Variants in NUP98 observed in about 807,000 individuals in gnomAD.
NUP98 encodes the protein nucleoporin 98 and 96 precursor, also known as nuclear pore complex protein Nup98-Nup96.
In NUP98, 26 loss-of-function variants were observed where a neutral mutation model predicts 191.9. That is an observed-to-expected ratio of 0.14 (90% CI 0.10 to 0.19). The LOEUF (loss-of-function observed/expected upper bound fraction) is 0.19. Ranked by LOEUF, NUP98 falls within the 10% of genes least tolerant of loss-of-function variation. The pLI is 1.00. For missense variants in NUP98, 1,941 were observed against 2,178.8 expected, an observed-to-expected ratio of 0.89 and a Z score of 2.17; for synonymous variants, 808 against 778.4, an observed-to-expected ratio of 1.04 and a Z score of -0.63.
Position 3,763,165 on chromosome 11 carries a change from T to C in NUP98, c.949-126A>G, listed in dbSNP as rs978741287. 18 of 824,016 alleles carry C rather than the reference T, an allele frequency of 2.2e-5. No individual in the cohort carries two copies. The East Asian group carries it at 2.7e-4, about 12-fold the overall frequency. The allele number at this position is 824,016 out of a possible 1,614,324, so 51.0% of individuals were successfully genotyped here. A position where few individuals can be genotyped will look rare whatever the true frequency, so the allele number is the denominator to read the frequency against. On this transcript the variant is annotated intron_variant, in intron 8 of 32. Transcript: ENST00000324932. ...GACAGATATTAGGCTAAATAACTTATATAGATTATTTCCTTCAAAACAACC... is the reference window on the plus strand; with the variant it reads ...GACAGATATTAGGCTAAATAACTTACATAGATTATTTCCTTCAAAACAACC...
At chr11:3,783,381 A>C (rs1318580045) in intron 1 of NUP98, among the ~76,000 whole-genome samples, 1 of 152,042 alleles carries the variant, frequency 6.6e-6, no homozygotes, top group Non-Finnish European at 1.5e-5. Context: ...GGGTGAGACA[A>C]TGTCTCAAAA....
At position 3,782,687 on chromosome 11, in the gene NUP98, C is replaced by T. The variant is rs552764998; in HGVS notation, c.-28-542G>A. ...GTCTCAAAGTACCTGGGATTACAAGCGTGTGTCACCATGCCTGTCTAATTA... is the reference window on the plus strand; with the variant it reads ...GTCTCAAAGTACCTGGGATTACAAGTGTGTGTCACCATGCCTGTCTAATTA... On this transcript the variant is annotated intron_variant, in intron 1 of 32. Transcript: ENST00000324932. 2.7e-5 allele frequency among the ~76,000 whole-genome samples: 4 copies of T among 147,450 alleles called. No individual in the cohort carries two copies. The East Asian group carries it at 7.9e-4, about 29-fold the overall frequency.
At chr11:3,720,223 T>C (rs927216511) in intron 17 of NUP98, among the ~76,000 whole-genome samples, 2 of 152,200 alleles carry the variant, frequency 1.3e-5, no homozygotes, top group South Asian at 2.1e-4. Context: ...CACAGTGGCA[T>C]TTCCCACAAG....
In NUP98 at chr11:3,744,596, C is replaced by G. The variant is rs755645744; in HGVS notation, c.1321G>C (p.Gly441Arg). Residue 441 changes from glycine to arginine, a missense_variant, in exon 12 of 33, where the codon GGG becomes CGG. Transcript: ENST00000324932. Reference protein sequence around the residue: ...LFGNNQPKIGGPLGTGAFGAP... With the variant: ...LFGNNQPKIGRPLGTGAFGAP... Reference sequence around the variant, plus strand: ...CCAAAGGCTCCTGTACCAAGAGGCCCTCCAATCTTAGGTTGGTTGTTCCCA... The same window carrying G: ...CCAAAGGCTCCTGTACCAAGAGGCCGTCCAATCTTAGGTTGGTTGTTCCCA... 6.2e-7 allele frequency: 1 copy of G among 1,613,602 alleles called. No homozygotes were observed. The highest frequency in any genetic ancestry group is 8.5e-7 in the Non-Finnish European group (1 of 1,179,642).
At chr11:3,704,144 T>G (rs1244066745) in intron 22 of NUP98, among the ~76,000 whole-genome samples, 1 of 152,248 alleles carries the variant, frequency 6.6e-6, no homozygotes, top group Non-Finnish European at 1.5e-5. Context: ...TTGGTTAATA[T>G]ATTTTCTTTC....
At chr11:3,736,048 T>TTA (rs1246578027) in intron 12 of NUP98, among the ~76,000 whole-genome samples, 1 of 141,702 alleles carries the variant, frequency 7.1e-6, no homozygotes, top group East Asian at 2.2e-4. Context: ...ACTACAGGGG[T>TTA]GAGTCACCAC....
intron 2 of NUP98, among the ~76,000 whole-genome samples, chr11:3,780,266 C>A (rs1207181751): frequency 6.6e-6 from 1 of 151,336 alleles, no homozygotes; most frequent in Non-Finnish European, 1.5e-5. Context: ...GTTACAGGCT[C>A]ACGCCTGTAA....
intron 15 of NUP98, among the ~76,000 whole-genome samples, chr11:3,724,780 C>CAAAAAAAAAAAAGAAAAA (rs2079550648): frequency 1.2e-5 from 1 of 80,166 alleles, no homozygotes; most frequent in African/African-American, 5.7e-5. Flanking sequence ...GACTCTGTCT[C>CAAAAAAAAAAAAGAAAAA]AAAAAAAAAA....
intron 1 of NUP98, among the ~76,000 whole-genome samples, chr11:3,789,225 T>C (rs2082252088): frequency 6.6e-6 from 1 of 152,184 alleles, no homozygotes; most frequent in Admixed American, 6.6e-5. Context: ...CAGGTATTTA[T>C]AATTTAAAAA....
At position 3,756,577 on chromosome 11, in the gene NUP98, C is replaced by T. The variant is rs375144138; in HGVS notation, c.1175-3169G>A. On this transcript the variant is annotated intron_variant, in intron 10 of 32. Transcript: ENST00000324932. The stretch of plus-strand genomic sequence containing the variant: ...AGCTGGGATTACAGGCATGCACCAC[C>T]ATGCCCAGCTAATTTTTGTGTTTTT... Among the ~76,000 whole-genome samples the T allele has an allele frequency of 1.7e-3, 252 of 151,844 alleles. 7 individuals carry two copies. In the South Asian group the frequency reaches 0.051, roughly 31 times the overall value.
intron 11 of NUP98, among the ~76,000 whole-genome samples, chr11:3,747,964 C>G (rs186933210): frequency 1.1e-4 from 16 of 152,234 alleles, no homozygotes; most frequent in Non-Finnish European, 2.1e-4. Flanking sequence ...TTCTCATTTC[C>G]CTACATGATA....
At chr11:3,728,848 G>GT (rs2079722192) in intron 14 of NUP98, among the ~76,000 whole-genome samples, 1 of 152,214 alleles carries the variant, frequency 6.6e-6, no homozygotes, top group Non-Finnish European at 1.5e-5. Flanking sequence ...AATGAATGTG[G>GT]TGAGAACTAT....
intron 14 of NUP98, among the ~76,000 whole-genome samples, chr11:3,727,600 C>T (rs925680795): frequency 1.3e-5 from 2 of 151,936 alleles, no homozygotes; most frequent in African/African-American, 4.8e-5. Context: ...TGGTGGGTTT[C>T]GCTGTAATTT....
At chr11:3,793,688 T>C (rs553174087) in intron 1 of NUP98, among the ~76,000 whole-genome samples, 7 of 152,136 alleles carry the variant, frequency 4.6e-5, no homozygotes, top group African/African-American at 1.7e-4. Context: ...GTGGTAATTA[T>C]GGCTGGGCAT....
At chr11:3,725,047 T>G (rs1300174101) in intron 15 of NUP98, 56 bp downstream of exon 15, 1 of 764,978 alleles carries the variant, frequency 1.3e-6, no homozygotes, top group Non-Finnish European at 2.2e-6. Context: ...AAGAATGTCT[T>G]AAAAATGAGA....
intron 14 of NUP98, among the ~76,000 whole-genome samples, chr11:3,726,213 AAAAAAAAGAGTT>A (rs2079612249): frequency 6.6e-6 from 1 of 152,004 alleles, no homozygotes; most frequent in Non-Finnish European, 1.5e-5. Context: ...CAAAAACATA[AAAAAAAAGAGTT>A]GAACTAAAAG....
intron 25 of NUP98, among the ~76,000 whole-genome samples, chr11:3,696,339 TA>T (rs2078504329): frequency 6.6e-6 from 1 of 152,026 alleles, no homozygotes; most frequent in Admixed American, 6.6e-5. Context: ...TTGTCTCTAC[TA>T]AAAATACAAA....
chr11:3,703,388 CT>C (rs1218440376), intron 22 of NUP98, among the ~76,000 whole-genome samples: 1 of 151,756 alleles, frequency 6.6e-6, no homozygotes, highest in Non-Finnish European at 1.5e-5. Context: ...GCTAACTTTT[CT>C]GTATTTTTAG....
intron 10 of NUP98, among the ~76,000 whole-genome samples, chr11:3,755,141 C>T (rs276892): frequency 0.54 from 81,895 of 151,636 alleles, 22,318 homozygotes; most frequent in African/African-American, 0.64. Flanking sequence ...ACCCTGTTTG[C>T]AGAACATATG....
Sources: gnomAD v4.1 joint callset for allele counts (sites outside exome capture counted in the v4.1 genomes callset) on GRCh38, gnomAD v4.1.1 for gene constraint, MANE v1.5 for transcripts, NCBI Gene and HGNC (gene_info 2026-07-23, HGNC 2026-07-21) for gene names.